SAMMSON: variants seen among roughly 807,000 people sequenced by gnomAD.
SAMMSON encodes the protein survival associated mitochondrial melanoma specific oncogenic non-coding RNA.
chr3:70,122,324 C>G (rs1001475419), intron 4 of SAMMSON, among the ~76,000 whole-genome samples: 103 of 152,208 alleles, frequency 6.8e-4, no homozygotes, highest in African/African-American at 2.4e-3. Flanking sequence ...TCTTGAGTAG[C>G]TGGGACTACA....
chr3:70,417,425 A>G (rs1701272308), intron 2 of SAMMSON, among the ~76,000 whole-genome samples: 1 of 152,178 alleles, frequency 6.6e-6, no homozygotes, highest in Non-Finnish European at 1.5e-5. Context: ...TCTCTGTACA[A>G]TGGTACTTGG....
At chr3:70,125,358 TAC>T in intron 4 of SAMMSON, 1 of 1,456,010 alleles carries the variant, frequency 6.9e-7, no homozygotes, top group Non-Finnish European at 9.4e-7. Context: ...ACATAAATTC[TAC>T]AGTTTGGTTC....
intron 6 of SAMMSON, among the ~76,000 whole-genome samples, chr3:70,290,060 C>G (rs558817748): frequency 2.0e-5 from 3 of 152,168 alleles, no homozygotes. Context: ...TCTCTCAGCT[C>G]GTCAAAGTCA....
intron 9 of SAMMSON, among the ~76,000 whole-genome samples, chr3:70,369,286 C>T (rs776490062): frequency 1.4e-4 from 21 of 151,564 alleles, no homozygotes; most frequent in African/African-American, 3.6e-4. Flanking sequence ...GGGATTTTCT[C>T]GATAGACAAT....
intron 4 of SAMMSON, among the ~76,000 whole-genome samples, chr3:70,150,169 C>T (rs1273338274): frequency 6.6e-6 from 1 of 151,980 alleles, no homozygotes; most frequent in Non-Finnish European, 1.5e-5. Flanking sequence ...CCAAGTAAAG[C>T]TTTCTGTCTG....
At chr3:70,068,711 T>C (rs2067219080) in intron 3 of SAMMSON, 2 of 152,030 alleles carry the variant, frequency 1.3e-5, no homozygotes, top group Admixed American at 6.6e-5. Flanking sequence ...GGAGAAAAAA[T>C]ATTGGATTAT....
chr3:70,411,441 C>T (rs1701217288), intron 2 of SAMMSON, among the ~76,000 whole-genome samples: 1 of 152,190 alleles, frequency 6.6e-6, no homozygotes, highest in African/African-American at 2.4e-5. Flanking sequence ...AGCATATCCA[C>T]TTATAATAGC....
chr3:70,146,562 CA>C (rs1395515108), intron 4 of SAMMSON, among the ~76,000 whole-genome samples: 1 of 151,864 alleles, frequency 6.6e-6, no homozygotes, highest in Non-Finnish European at 1.5e-5. Flanking sequence ...TAAGAAAATC[CA>C]CATGAATATA....
intron 4 of SAMMSON, among the ~76,000 whole-genome samples, chr3:70,240,631 T>A (rs1470469577): frequency 6.6e-6 from 1 of 152,134 alleles, no homozygotes; most frequent in Non-Finnish European, 1.5e-5. Context: ...TCCTTCAGCG[T>A]CAATTATAAG....
At position 70,284,157 on chromosome 3, in the gene SAMMSON, C is replaced by G. The variant is rs184334796; in HGVS notation, n.675-7022C>G. On this transcript the variant is annotated intron_variant and non_coding_transcript_variant, in intron 6 of 9. Transcript: ENST00000642114. ...TAAAATTTCATGAAAGCAAGAGTCACAGTGTATTTCATTTATAGGTTTTAT... is the reference window on the plus strand; with the variant it reads ...TAAAATTTCATGAAAGCAAGAGTCAGAGTGTATTTCATTTATAGGTTTTAT... Among the ~76,000 whole-genome samples the G allele has an allele frequency of 4.0e-3, 604 of 152,156 alleles. 4 individuals carry two copies. The highest frequency in any genetic ancestry group is 0.01 in the Middle Eastern group (3 of 294).
intron 1 of SAMMSON, among the ~76,000 whole-genome samples, chr3:70,002,694 T>TTAACA: frequency 6.6e-6 from 1 of 152,334 alleles, no homozygotes; most frequent in South Asian, 2.1e-4. Flanking sequence ...TGTTTTTGAT[T>TTAACA]ACTAATTTAG....
At chr3:70,073,949 GT>G (rs1174891435) in intron 4 of SAMMSON, among the ~76,000 whole-genome samples, 2 of 152,010 alleles carry the variant, frequency 1.3e-5, no homozygotes, top group Non-Finnish European at 2.9e-5. Context: ...GACCTTGTAA[GT>G]AAAGTCTCTG....
chr3:70,391,127 T>C (rs1701044256), downstream of SAMMSON, among the ~76,000 whole-genome samples: 1 of 152,194 alleles, frequency 6.6e-6, no homozygotes. Context: ...CCTTCGCAGC[T>C]GAGACTATAT....
intron 7 of SAMMSON, among the ~76,000 whole-genome samples, chr3:70,320,848 T>C (rs1440760299): frequency 6.6e-6 from 1 of 152,002 alleles, no homozygotes; most frequent in Non-Finnish European, 1.5e-5. Context: ...TGCGAGAAAA[T>C]AGACAAATTT....
intron 4 of SAMMSON, among the ~76,000 whole-genome samples, chr3:70,220,065 A>G (rs1383759480): frequency 6.6e-6 from 1 of 152,168 alleles, no homozygotes; most frequent in African/African-American, 2.4e-5. Flanking sequence ...CAGGCAAGGA[A>G]AACTAGATCA....
intron 4 of SAMMSON, among the ~76,000 whole-genome samples, chr3:70,165,514 CTTT>C (rs2067633445): frequency 6.6e-6 from 1 of 151,946 alleles, no homozygotes; most frequent in South Asian, 2.1e-4. Context: ...TATGCTGATG[CTTT>C]GATCTTGGAC....
At chr3:70,188,818 C>G (rs904194551) in intron 4 of SAMMSON, among the ~76,000 whole-genome samples, 6 of 152,220 alleles carry the variant, frequency 3.9e-5, no homozygotes, top group African/African-American at 1.2e-4. Flanking sequence ...TAGTTACTAA[C>G]TCAATGCATT....
intron 7 of SAMMSON, among the ~76,000 whole-genome samples, chr3:70,307,514 A>G (rs1392649575): frequency 2.0e-5 from 3 of 151,710 alleles, no homozygotes; most frequent in Non-Finnish European, 2.9e-5. Flanking sequence ...TCCCCCCCCA[A>G]TTTCTATGTT....
intron 4 of SAMMSON, among the ~76,000 whole-genome samples, chr3:70,237,654 A>G (rs1701623161): frequency 6.6e-6 from 1 of 152,206 alleles, no homozygotes; most frequent in Non-Finnish European, 1.5e-5. Flanking sequence ...TGTATTGCCT[A>G]AATAGGGAAA....
Sources: gnomAD v4.1 joint callset for allele counts (sites outside exome capture counted in the v4.1 genomes callset) on GRCh38, gnomAD v4.1.1 for gene constraint, MANE v1.5 for transcripts, NCBI Gene and HGNC (gene_info 2026-07-23, HGNC 2026-07-21) for gene names.